Variants in CEP85L observed in about 807,000 individuals in gnomAD.
CEP85L encodes the protein centrosomal protein 85L.
A neutral mutation model predicts 100.3 loss-of-function variants in CEP85L; 60 were observed. The observed-to-expected ratio is 0.60, with a 90% confidence interval of 0.49 to 0.74. The LOEUF (loss-of-function observed/expected upper bound fraction) is 0.74, where lower values mean the gene tolerates loss of function less well. Ranked by LOEUF, CEP85L falls within the 30% of genes least tolerant of loss-of-function variation. CEP85L has a pLI of 0.00. For missense variants in CEP85L, 973 were observed against 936.2 expected, an observed-to-expected ratio of 1.04 and a Z score of -0.51; for synonymous variants, 319 against 322.7, an observed-to-expected ratio of 0.99 and a Z score of 0.12.
intron 3 of CEP85L, among the ~76,000 whole-genome samples, chr6:118,553,736 T>C (rs545665755): frequency 7.3e-4 from 111 of 152,306 alleles, no homozygotes; most frequent in African/African-American, 2.6e-3. Context: ...CTTTAAAGTA[T>C]GTTAACTATG....
At chr6:118,560,585 T>G (rs1779170190) in intron 3 of CEP85L, 1 of 167,056 alleles carries the variant, frequency 6.0e-6, no homozygotes, top group Non-Finnish European at 1.5e-5. Flanking sequence ...AAGCCCTTGT[T>G]GTTCAAGGGT....
intron 2 of CEP85L, chr6:118,574,104 C>T (rs907165249): frequency 3.9e-5 from 6 of 152,178 alleles, no homozygotes; most frequent in Admixed American, 2.6e-4. Flanking sequence ...GCATGTGTTC[C>T]TCAGCGTAAT....
chr6:118,567,255 A>G (rs1192360929), intron 2 of CEP85L, among the ~76,000 whole-genome samples: 28 of 54,834 alleles, frequency 5.1e-4, no homozygotes, highest in East Asian at 1.7e-3. Context: ...GTGTGTATAT[A>G]TATATATATA....
intron 2 of CEP85L, among the ~76,000 whole-genome samples, chr6:118,584,452 A>C (rs1055820708): frequency 1.3e-5 from 2 of 152,220 alleles, no homozygotes; most frequent in Non-Finnish European, 2.9e-5. Flanking sequence ...ATATAACCTC[A>C]TAAAATAAAC....
chr6:118,620,725 C>A (rs765551655), intron 2 of CEP85L, among the ~76,000 whole-genome samples: 2 of 152,122 alleles, frequency 1.3e-5, no homozygotes, highest in Non-Finnish European at 2.9e-5. Flanking sequence ...GACACCAGCA[C>A]GGTCTTCTCA....
chr6:118,627,315 A>G (rs1254388193), intron 2 of CEP85L, among the ~76,000 whole-genome samples: 2 of 152,166 alleles, frequency 1.3e-5, no homozygotes, highest in African/African-American at 4.8e-5. Context: ...CATATGAAAA[A>G]CTGGTCAACA....
intron 3 of CEP85L, among the ~76,000 whole-genome samples, chr6:118,550,477 T>C (rs1469576966): frequency 6.6e-6 from 1 of 151,874 alleles, no homozygotes; most frequent in Admixed American, 6.6e-5. Flanking sequence ...TGAACACTTC[T>C]TTTTTATTCT....
At chr6:118,573,856 TA>T in intron 2 of CEP85L, 1 of 152,336 alleles carries the variant, frequency 6.6e-6, no homozygotes. Context: ...TCAATAGGCC[TA>T]AATGTAACAG....
rs12213475 is a variant in CEP85L at position 118,637,928 on chromosome 6, T to A, written c.74-5317A>T. ...CTGAAAAATAGTCCAAGCCCACTGG[T>A]AAGCAAGTAGTATCAAATTCAGAAG... On this transcript the variant is annotated intron_variant, in intron 1 of 12. Transcript: ENST00000368491. Among the ~76,000 whole-genome samples, 635 of 152,134 alleles carry A rather than the reference T, an allele frequency of 4.2e-3. 2 individuals are homozygous for A. The highest frequency in any genetic ancestry group is 8.7e-3 in the South Asian group (42 of 4,822).
chr6:118,487,041 A>T (rs1046884271), intron 6 of CEP85L, among the ~76,000 whole-genome samples: 1 of 152,166 alleles, frequency 6.6e-6, no homozygotes, highest in Admixed American at 6.5e-5. Context: ...TAATGATTAT[A>T]CAAATTGGGT....
At chr6:118,571,360 G>A (rs1372853977) in intron 2 of CEP85L, among the ~76,000 whole-genome samples, 1 of 152,184 alleles carries the variant, frequency 6.6e-6, no homozygotes, top group East Asian at 1.9e-4. Flanking sequence ...TTATAGCATT[G>A]ACAGTAGGCA....
At chr6:118,580,431 C>T (rs1174858866) in intron 2 of CEP85L, among the ~76,000 whole-genome samples, 1 of 152,126 alleles carries the variant, frequency 6.6e-6, no homozygotes, top group African/African-American at 2.4e-5. Context: ...TGCTCTTGGC[C>T]TCTATTTTAA....
At chr6:118,541,280 T>G (rs1777890722) in intron 3 of CEP85L, among the ~76,000 whole-genome samples, 1 of 152,230 alleles carries the variant, frequency 6.6e-6, no homozygotes, top group African/African-American at 2.4e-5. Flanking sequence ...GAGATGTTCA[T>G]GCCCTTTTGC....
At chr6:118,676,859 G>A (rs1424148445) in intron 1 of CEP85L, among the ~76,000 whole-genome samples, 1 of 151,898 alleles carries the variant, frequency 6.6e-6, no homozygotes, top group Admixed American at 6.6e-5. Flanking sequence ...GTTATCTTTT[G>A]TCTTTTTTTA....
At chr6:118,630,432 A>G (rs537824970) in intron 2 of CEP85L, among the ~76,000 whole-genome samples, 1 of 152,288 alleles carries the variant, frequency 6.6e-6, no homozygotes, top group Admixed American at 6.5e-5. Context: ...GAACCTCATC[A>G]TTCTTCAGCT....
At chr6:118,491,572 C>A (rs1774573716) in intron 6 of CEP85L, 114 bp downstream of exon 6, 5 of 1,456,944 alleles carry the variant, frequency 3.4e-6, no homozygotes, top group Non-Finnish European at 4.5e-6. Context: ...TTAATCACCT[C>A]CACATAAATG....
At position 118,606,013 on chromosome 6, in the gene CEP85L, CAAAAAAA is replaced by C. The variant is rs61023993; in HGVS notation, c.232+26433_232+26439del. Among the ~76,000 whole-genome samples the C allele has an allele frequency of 2.0e-5, 2 of 102,008 alleles. 1 individual carries two copies. Among genetic ancestry groups the C allele is most frequent in the South Asian group, 6.8e-4 (2 of 2,942 alleles). 66.9% of individuals were successfully genotyped at this position (102,008 alleles called of 152,430 possible). A position where few individuals can be genotyped will look rare whatever the true frequency, so the allele number is the denominator to read the frequency against. ...TGGGCAACAGAGCAAGACTCTGTCT[CAAAAAAA>C]AAAAAAAAAAAGTGGAAAGCCAAAA... is the stretch of plus-strand genomic sequence containing the variant. On this transcript the variant is annotated intron_variant, in intron 2 of 12. Transcript: ENST00000368491.
chr6:118,490,185 A>T lies in CEP85L; in HGVS notation c.1437+1501T>A, dbSNP rs113250316. On this transcript the variant is annotated intron_variant, in intron 6 of 12. Coordinates refer to ENST00000368491, the MANE Select transcript of CEP85L (RefSeq NM_001042475.3). ...GAGAGTAGACTGGTGGTTGTCAGGG[A>T]CTGGGGAGCAGGGAAGTGGGAGTTA... Among the ~76,000 whole-genome samples, 21 of 152,260 alleles carry T rather than the reference A, an allele frequency of 1.4e-4. 1 individual carries two copies. Among genetic ancestry groups the T allele is most frequent in the African/African-American group, 5.1e-4 (21 of 41,560 alleles).
chr6:118,579,241 G>A (rs768969124), intron 2 of CEP85L, among the ~76,000 whole-genome samples: 2 of 151,192 alleles, frequency 1.3e-5, no homozygotes, highest in Non-Finnish European at 2.9e-5. Context: ...CAGGCATTCT[G>A]ATCTCTAGCC....
Sources: gnomAD v4.1 joint callset for allele counts (sites outside exome capture counted in the v4.1 genomes callset) on GRCh38, gnomAD v4.1.1 for gene constraint, MANE v1.5 for transcripts, NCBI Gene and HGNC (gene_info 2026-07-23, HGNC 2026-07-21) for gene names.